The following TENM2 variants were observed in gnomAD, a reference collection of about 807,000 sequenced individuals.
TENM2 encodes teneurin-2.
In TENM2, 52 loss-of-function variants were observed where a neutral mutation model predicts 245.2. The observed-to-expected ratio is 0.21, with a 90% confidence interval of 0.17 to 0.27. The LOEUF is 0.27. Ranked by LOEUF, TENM2 falls within the 10% of genes least tolerant of loss-of-function variation. The pLI is 1.00. For synonymous variants in TENM2, 1,363 were observed against 1,438.9 expected (o/e 0.95, Z 1.19); for missense variants, 3,046 against 3,666.8 (o/e 0.83, Z 4.37).
the TENM2 span, among the ~76,000 whole-genome samples, chr5:167,249,904 C>T: frequency 6.6e-6 from 1 of 152,116 alleles, no homozygotes; most frequent in Non-Finnish European, 1.5e-5. Context: ...ACATTATAGA[C>T]AATGCATATG....
In TENM2 at chr5:168,236,987, TATATATATATATA is replaced by T. The variant is rs1383395532; in HGVS notation, c.5521-7432_5521-7420del. On this transcript the variant is annotated intron_variant, in intron 25 of 28. Transcript: ENST00000518659. Reference sequence around the variant, plus strand: ...ATATATATATATATATATATATATATATATATATATATATTTTTTTTTTTTTTTTTTTTTTTTT... The same window carrying T: ...ATATATATATATATATATATATATATTTTTTTTTTTTTTTTTTTTTTTTTT... 4.6e-3 allele frequency among the ~76,000 whole-genome samples: 26 copies of T among 5,654 alleles called. 1 individual carries two copies. The highest frequency in any genetic ancestry group is 0.014 in the East Asian group (3 of 212). 3.7% of individuals were successfully genotyped at this position (5,654 alleles called of 152,430 possible).
rs553064655 is a variant in TENM2, at chr5:168,005,729, T to C, written c.1186+12547T>C. On this transcript the variant is annotated intron_variant, in intron 5 of 28. Coordinates refer to ENST00000518659, the Ensembl canonical transcript of TENM2. ...TAACTAGGTATGAATTGCAGAAACA[T>C]AGAAAAAATTCTTTGTGTTGTATAG... Among the ~76,000 whole-genome samples, 29 of 152,242 alleles carry C rather than the reference T, an allele frequency of 1.9e-4. No individual in the cohort carries two copies. In the South Asian group the frequency reaches 6.0e-3, roughly 32 times the overall value.
rs1355508161 is a variant in TENM2 at position 168,244,072 on chromosome 5, G to C, written c.5521-348G>C. On this transcript the variant is annotated intron_variant, in intron 25 of 28. Coordinates refer to ENST00000518659, the Ensembl canonical transcript of TENM2. This position sits in a 1 kb window ranked among gnomAD's most constrained non-coding sequence, Gnocchi z 4.9. ...TCCTGCCTCAGCCTCCCAGTAGCTGGAACTACAGGTGCATGCCACCATGCC... is the reference window on the plus strand; with the variant it reads ...TCCTGCCTCAGCCTCCCAGTAGCTGCAACTACAGGTGCATGCCACCATGCC... Among the ~76,000 whole-genome samples the C allele has an allele frequency of 6.6e-6, 1 of 151,762 alleles. No homozygotes were observed. The highest frequency in any genetic ancestry group is 1.5e-5 in the Non-Finnish European group (1 of 67,986).
chr5:167,154,713 A>G, the TENM2 span, among the ~76,000 whole-genome samples: 1 of 152,270 alleles, frequency 6.6e-6, no homozygotes, highest in Non-Finnish European at 1.5e-5. Context: ...TCATTTACTA[A>G]ATGTGTGACC....
chr5:167,737,467 C>T (rs1260068007), intron 2 of TENM2, among the ~76,000 whole-genome samples: 2 of 152,168 alleles, frequency 1.3e-5, no homozygotes, highest in Non-Finnish European at 2.9e-5. Flanking sequence ...CATGCTGGTA[C>T]CTCCCAGGAA....
At chr5:167,274,849 G>C in the TENM2 span, among the ~76,000 whole-genome samples, 4 of 151,528 alleles carry the variant, frequency 2.6e-5, no homozygotes, top group African/African-American at 9.7e-5. Context: ...TAATTGTATT[G>C]TTTAGAATTG....
intron 13 of TENM2, chr5:168,186,624 C>G (rs1760460245): frequency 6.6e-6 from 1 of 152,140 alleles, no homozygotes; most frequent in Non-Finnish European, 1.5e-5. Flanking sequence ...CTGCAAACCT[C>G]TCCTACCATC....
chr5:167,952,318 C>G lies in TENM2; in HGVS notation c.713-270C>G. ...CAGTATTAATATGTTTCAAATAATT[C>G]CTCTGGTCAGCCCTTATCCACCTGG... On this transcript the variant is annotated intron_variant, in intron 3 of 28. Transcript: ENST00000518659. 1.8e-5 allele frequency: 10 copies of G among 558,390 alleles called. No homozygotes were observed. In the South Asian group the frequency reaches 2.3e-4, roughly 13 times the overall value. The allele number at this position is 558,390 out of a possible 1,614,324, so 34.6% of individuals were successfully genotyped here.
chr5:167,109,047 A>G, the TENM2 span, among the ~76,000 whole-genome samples: 2 of 152,224 alleles, frequency 1.3e-5, no homozygotes, highest in Non-Finnish European at 2.9e-5. Context: ...AAAGGCAATT[A>G]ACGTTGAAAC....
the TENM2 span, among the ~76,000 whole-genome samples, chr5:167,151,288 C>T: frequency 6.6e-6 from 1 of 151,726 alleles, no homozygotes; most frequent in Non-Finnish European, 1.5e-5. Flanking sequence ...ATGAACATGC[C>T]AACATTTAGC....
At chr5:167,471,252 T>C (rs1263870155) in intron 2 of TENM2, among the ~76,000 whole-genome samples, 1 of 152,170 alleles carries the variant, frequency 6.6e-6, no homozygotes, top group East Asian at 1.9e-4. Flanking sequence ...AAGGTCCTTA[T>C]GAGTTAGATC....
chr5:167,934,789 C>G (rs1194770603), intron 3 of TENM2: 3 of 912,822 alleles, frequency 3.3e-6, no homozygotes, highest in East Asian at 2.4e-4. Flanking sequence ...TTCAGGGCAG[C>G]CTTCCAGGGC....
chr5:168,007,343 C>G (rs1434360907), intron 5 of TENM2, among the ~76,000 whole-genome samples: 1 of 152,062 alleles, frequency 6.6e-6, no homozygotes, highest in East Asian at 1.9e-4. Context: ...TGGCCAGGCT[C>G]GTCTCGGACT....
At chr5:167,143,023 C>T in the TENM2 span, among the ~76,000 whole-genome samples, 2 of 152,182 alleles carry the variant, frequency 1.3e-5, no homozygotes, top group African/African-American at 4.8e-5. Flanking sequence ...CTTTAGTAGT[C>T]ACATGGCAGA....
chr5:167,084,338 T>TATAA, the TENM2 span, among the ~76,000 whole-genome samples: 2 of 80,196 alleles, frequency 2.5e-5, no homozygotes, highest in African/African-American at 1.0e-4. Flanking sequence ...TATATATATA[T>TATAA]ATATATATAT....
chr5:167,830,183 A>G (rs1768343954), intron 2 of TENM2, among the ~76,000 whole-genome samples: 1 of 152,064 alleles, frequency 6.6e-6, no homozygotes, highest in Non-Finnish European at 1.5e-5. Flanking sequence ...TGACTGTGAA[A>G]CTCTCTCAGG....
At chr5:167,051,932 A>G in the TENM2 span, among the ~76,000 whole-genome samples, 1 of 152,170 alleles carries the variant, frequency 6.6e-6, no homozygotes, top group Non-Finnish European at 1.5e-5. Context: ...GCTTGAATAA[A>G]TTGTGTTAAG....
intron 2 of TENM2, among the ~76,000 whole-genome samples, chr5:167,445,369 A>AGAGGGT (rs35699708): frequency 1.0e-5 from 1 of 98,578 alleles, no homozygotes; most frequent in Admixed American, 1.2e-4. Flanking sequence ...AGAGAGAGAG[A>AGAGGGT]GTGTCAGGTG....
chr5:167,776,697 G>A (rs1038194449), intron 2 of TENM2, among the ~76,000 whole-genome samples: 2 of 147,636 alleles, frequency 1.4e-5, no homozygotes, highest in Non-Finnish European at 3.0e-5. Flanking sequence ...CTGATCTTAA[G>A]GGGCAGGGCC....
Sources: allele counts gnomAD v4.1 joint callset (sites outside exome capture counted in the v4.1 genomes callset), GRCh38; gene constraint gnomAD v4.1.1; non-coding constraint Gnocchi (gnomAD v3.1); transcripts MANE v1.5; gene names NCBI Gene and HGNC (gene_info 2026-07-23, HGNC 2026-07-21).